The following PCDH7 variants were observed in gnomAD, a reference collection of about 807,000 sequenced individuals.
PCDH7 encodes protocadherin 7.
In PCDH7, 17 loss-of-function variants were observed where a neutral mutation model predicts 58.9. The observed-to-expected ratio is 0.29, with a 90% confidence interval of 0.20 to 0.43. PCDH7 has a LOEUF of 0.43. Among genes scored for constraint, PCDH7 ranks in the 20% least tolerant of loss-of-function variants. The pLI, the probability that PCDH7 is intolerant of heterozygous loss-of-function variation, is 1.00. For missense variants in PCDH7, 1,274 were observed against 1,441.0 expected (o/e 0.88, Z 1.88); for synonymous variants, 664 against 616.4 (o/e 1.08, Z -1.14).
chr4:30,722,425 T>C lies in PCDH7; in HGVS notation c.1003T>C (p.Leu335=), dbSNP rs755705399. 1.6e-5 allele frequency: 25 copies of C among 1,612,484 alleles called. No individual in the cohort carries two copies. Among genetic ancestry groups the C allele is most frequent in the Non-Finnish European group, 1.9e-5 (22 of 1,179,850 alleles). The stretch of plus-strand genomic sequence containing the variant: ...CATCCTGCAACTGCGCGCAGCCGAC[T>C]TGGACGTGGGGGTCAACGGGCAGAT... The change falls in exon 1 of 2, where the codon TTG becomes CTG. Residue 335 remains leucine (L), a synonymous_variant. Coordinates refer to ENST00000361762, the Ensembl canonical transcript of PCDH7. This position sits in a 1 kb window ranked among gnomAD's most constrained non-coding sequence, Gnocchi z 7.6.
intron 1 of PCDH7, among the ~76,000 whole-genome samples, chr4:30,789,728 T>C (rs1331050118): frequency 6.6e-6 from 1 of 152,182 alleles, no homozygotes; most frequent in Non-Finnish European, 1.5e-5. Context: ...ATTTTTTATT[T>C]AGGTGAATTT....
At chr4:30,993,223 T>G (rs1751606181) in intron 3 of PCDH7, among the ~76,000 whole-genome samples, 1 of 152,242 alleles carries the variant, frequency 6.6e-6, no homozygotes, top group Non-Finnish European at 1.5e-5. Context: ...TATGCCTACC[T>G]ATGGCTCTTC....
intron 3 of PCDH7, among the ~76,000 whole-genome samples, chr4:31,108,745 T>TC (rs1715915858): frequency 1.3e-5 from 2 of 152,194 alleles, no homozygotes; most frequent in South Asian, 4.1e-4. Flanking sequence ...ATTTTTTTTT[T>TC]CACAACTACA....
At chr4:30,845,744 T>C in intron 1 of PCDH7, among the ~76,000 whole-genome samples, 1 of 152,032 alleles carries the variant, frequency 6.6e-6, no homozygotes, top group East Asian at 1.9e-4. Flanking sequence ...AGACTACAAG[T>C]GTGTGCCACC....
chr4:30,734,896 G>A (rs1157726761), downstream of PCDH7, among the ~76,000 whole-genome samples: 2 of 152,122 alleles, frequency 1.3e-5, no homozygotes, highest in African/African-American at 4.8e-5. Context: ...TGCCCCTGCT[G>A]GGTGGGTGTC....
chr4:31,001,257 T>G (rs1752341331), intron 3 of PCDH7, among the ~76,000 whole-genome samples: 1 of 152,038 alleles, frequency 6.6e-6, no homozygotes, highest in South Asian at 2.1e-4. Context: ...ATACATAAAA[T>G]AATAAGCAGA....
At chr4:31,110,281 T>C (rs1716122463) in intron 3 of PCDH7, among the ~76,000 whole-genome samples, 1 of 152,190 alleles carries the variant, frequency 6.6e-6, no homozygotes, top group African/African-American at 2.4e-5. Context: ...ACACCCACAG[T>C]TTTTATTTTC....
chr4:30,734,328 G>T (rs1259347279), downstream of PCDH7, among the ~76,000 whole-genome samples: 2 of 151,170 alleles, frequency 1.3e-5, no homozygotes, highest in Non-Finnish European at 2.9e-5. Context: ...TGCCTCCCAC[G>T]TTCAAGCGAT....
chr4:30,950,994 C>T (rs1443283679), intron 3 of PCDH7, among the ~76,000 whole-genome samples: 4 of 152,124 alleles, frequency 2.6e-5, no homozygotes, highest in East Asian at 3.9e-4. Flanking sequence ...ACTAGTGAAA[C>T]GAGTCCTCCC....
chr4:30,763,244 A>G (rs1720272581), intron 1 of PCDH7, among the ~76,000 whole-genome samples: 1 of 152,158 alleles, frequency 6.6e-6, no homozygotes, highest in African/African-American at 2.4e-5. Context: ...GCATAAATAA[A>G]TATATTTAGC....
chr4:30,976,118 T>C (rs1240166630), intron 3 of PCDH7, among the ~76,000 whole-genome samples: 3 of 152,240 alleles, frequency 2.0e-5, no homozygotes, highest in Non-Finnish European at 4.4e-5. Context: ...CAGGAGGTTT[T>C]ATATCTACTT....
intron 3 of PCDH7, among the ~76,000 whole-genome samples, chr4:31,108,200 C>G (rs1297278749): frequency 6.6e-6 from 1 of 151,762 alleles, no homozygotes; most frequent in Non-Finnish European, 1.5e-5. Flanking sequence ...ACCTATTCCT[C>G]TGTCCTACCC....
At chr4:30,789,136 C>A (rs981173913) in intron 1 of PCDH7, among the ~76,000 whole-genome samples, 2 of 151,912 alleles carry the variant, frequency 1.3e-5, no homozygotes, top group Non-Finnish European at 2.9e-5. Flanking sequence ...ATCAATAGGT[C>A]CCCCCCTAAG....
At chr4:31,084,325 C>A (rs1413480605) in intron 3 of PCDH7, among the ~76,000 whole-genome samples, 1 of 152,042 alleles carries the variant, frequency 6.6e-6, no homozygotes, top group East Asian at 1.9e-4. Context: ...TTTGTAGGGA[C>A]AGGAATTTAA....
chr4:30,722,788 G>A lies in PCDH7; in HGVS notation c.1366G>A (p.Gly456Arg). ...GTCCGACCGAGACCAAGGCGAGAAC[G>A]GGGTGGTCACCTGCACCGTGGTGGG... Residue 456 changes from glycine (G) to arginine (R), a missense_variant, in exon 1 of 2, where the codon GGG (glycine) becomes AGG (arginine). By Grantham distance (125) the Gly-to-Arg change is moderately radical. Coordinates refer to ENST00000361762, the Ensembl canonical transcript of PCDH7. This position sits in a 1 kb window ranked among gnomAD's most constrained non-coding sequence, Gnocchi z 7.6. 1 of 1,613,612 alleles carries A rather than the reference G, an allele frequency of 6.2e-7. No homozygotes were observed. Among genetic ancestry groups the A allele is most frequent in the Non-Finnish European group, 8.5e-7 (1 of 1,180,040 alleles).
At chr4:30,759,726 T>A (rs1451766447) in intron 1 of PCDH7, among the ~76,000 whole-genome samples, 1 of 152,168 alleles carries the variant, frequency 6.6e-6, no homozygotes, top group East Asian at 1.9e-4. Context: ...AATCTTTCAT[T>A]AAATGAAAGA....
chr4:30,863,549 G>A (rs759408875), intron 1 of PCDH7, among the ~76,000 whole-genome samples: 87 of 152,180 alleles, frequency 5.7e-4, no homozygotes, highest in Non-Finnish European at 1.0e-3. Context: ...CCTCTGGCTT[G>A]TTAGGTTTTT....
intron 3 of PCDH7, among the ~76,000 whole-genome samples, chr4:31,071,408 G>C (rs1487993937): frequency 6.6e-6 from 1 of 151,918 alleles, no homozygotes; most frequent in African/African-American, 2.4e-5. Context: ...AAAAATCTTT[G>C]GTTGAAATGT....
chr4:31,040,969 C>T (rs1755814050), intron 3 of PCDH7, among the ~76,000 whole-genome samples: 1 of 151,226 alleles, frequency 6.6e-6, no homozygotes, highest in African/African-American at 2.4e-5. Flanking sequence ...TGTGGAAAAA[C>T]ATTGAAAAAT....
Sources: gnomAD v4.1 joint callset for allele counts (sites outside exome capture counted in the v4.1 genomes callset) on GRCh38, gnomAD v4.1.1 for gene constraint, Gnocchi (gnomAD v3.1) non-coding constraint, MANE v1.5 for transcripts, NCBI Gene and HGNC (gene_info 2026-07-23, HGNC 2026-07-21) for gene names.